Variants in COL11A1 observed in about 807,000 individuals in gnomAD.
COL11A1 encodes the protein collagen alpha-1(XI) chain.
A neutral mutation model predicts 265.2 loss-of-function variants in COL11A1; 74 were observed. That is an observed-to-expected ratio of 0.28 (90% confidence interval 0.23 to 0.34). COL11A1 has a LOEUF of 0.34. COL11A1 is among the 10% of genes least tolerant of loss of function. The pLI is 1.00. For synonymous variants in COL11A1, 816 were observed against 727.6 expected, an observed-to-expected ratio of 1.12 and a Z score of -1.96; for missense variants, 2,165 against 2,263.6, an observed-to-expected ratio of 0.96 and a Z score of 0.88.
At chr1:103,039,147 T>A (rs1668614050) in intron 4 of COL11A1, among the ~76,000 whole-genome samples, 2 of 152,214 alleles carry the variant, frequency 1.3e-5, no homozygotes, top group African/African-American at 4.8e-5. Flanking sequence ...TTTTATTTAT[T>A]TTTGAACTGT....
chr1:102,894,640 A>C (rs925569529), intron 57 of COL11A1, among the ~76,000 whole-genome samples: 1 of 152,154 alleles, frequency 6.6e-6, no homozygotes, highest in Non-Finnish European at 1.5e-5. Flanking sequence ...AAATTTTAAA[A>C]ATCCTTTAAG....
chr1:102,959,372 A>T (rs985361684), intron 41 of COL11A1, among the ~76,000 whole-genome samples: 1 of 151,776 alleles, frequency 6.6e-6, no homozygotes, highest in Admixed American at 6.6e-5. Flanking sequence ...ACAGATACTA[A>T]TTAAACATCA....
chr1:102,952,987 T>C (rs1190973533), intron 41 of COL11A1, among the ~76,000 whole-genome samples: 1 of 152,204 alleles, frequency 6.6e-6, no homozygotes, highest in Non-Finnish European at 1.5e-5. Context: ...ATCTATTCTC[T>C]TGGGACACTT....
In COL11A1 at chr1:103,022,737, C is replaced by T. The variant is rs754190368; in HGVS notation, c.1245+5G>A. 1 of 1,613,560 alleles carries T rather than the reference C, an allele frequency of 6.2e-7. No individual in the cohort carries two copies. The highest frequency in any genetic ancestry group is 8.5e-7 in the Non-Finnish European group (1 of 1,179,932). The stretch of plus-strand genomic sequence containing the variant: ...ACAATGACACAGTGCATAGTATCAA[C>T]TTACGCTTGTTTCTGTAATATCAGT... On this transcript the variant is annotated splice_donor_5th_base_variant and intron_variant, in intron 8 of 66. Transcript: ENST00000370096.
At chr1:102,904,564 G>T (rs912087335) in intron 54 of COL11A1, among the ~76,000 whole-genome samples, 1 of 151,888 alleles carries the variant, frequency 6.6e-6, no homozygotes, top group African/African-American at 2.4e-5. Flanking sequence ...AGTGGGTGAA[G>T]GATATGAACA....
chr1:103,098,960 T>C (rs1465278331), intron 1 of COL11A1, among the ~76,000 whole-genome samples: 2 of 151,786 alleles, frequency 1.3e-5, no homozygotes, highest in African/African-American at 2.4e-5. Context: ...GATACTTCCA[T>C]AGACATTGAG....
intron 9 of COL11A1, among the ~76,000 whole-genome samples, chr1:103,021,142 C>T (rs1667026035): frequency 1.3e-5 from 2 of 150,244 alleles, no homozygotes; most frequent in African/African-American, 4.9e-5. Flanking sequence ...AAAACCGCTT[C>T]CAAGTAAGAA....
intron 58 of COL11A1, 74 bp from the exon 59 acceptor site, chr1:102,889,636 G>A: frequency 1.9e-6 from 2 of 1,072,092 alleles, no homozygotes; most frequent in Non-Finnish European, 2.8e-6. Context: ...TAAAATATTT[G>A]CACATTAAAT....
At chr1:102,992,299 T>C (rs1664217881) in intron 28 of COL11A1, among the ~76,000 whole-genome samples, 1 of 152,050 alleles carries the variant, frequency 6.6e-6, no homozygotes, top group South Asian at 2.1e-4. Context: ...GAAGAAAACA[T>C]AGTTTTAGAA....
chr1:103,076,680 G>T (rs1402774017), intron 3 of COL11A1, among the ~76,000 whole-genome samples: 5 of 152,044 alleles, frequency 3.3e-5, no homozygotes, highest in Non-Finnish European at 7.4e-5. Context: ...TTACTTTGAG[G>T]ATTCATTCAT....
chr1:103,031,286 A>T (rs771673859), intron 4 of COL11A1, 42 bp from the exon 5 acceptor site: 6 of 1,588,594 alleles, frequency 3.8e-6, no homozygotes, highest in Non-Finnish European at 5.1e-6. Flanking sequence ...ACACAGATTC[A>T]GTTAGCATAT....
intron 5 of COL11A1, among the ~76,000 whole-genome samples, chr1:103,027,388 A>G (rs1667604277): frequency 7.3e-6 from 1 of 136,688 alleles, no homozygotes; most frequent in African/African-American, 2.7e-5. Flanking sequence ...TCAACAAGTT[A>G]AAACTCTAAT....
At chr1:103,006,893 T>G (rs1166659629) in intron 15 of COL11A1, among the ~76,000 whole-genome samples, 1 of 152,134 alleles carries the variant, frequency 6.6e-6, no homozygotes, top group Non-Finnish European at 1.5e-5. Context: ...TAATTACACA[T>G]TTTATTCCCC....
intron 49 of COL11A1, among the ~76,000 whole-genome samples, chr1:102,916,382 A>G (rs1466085984): frequency 6.6e-6 from 1 of 152,100 alleles, no homozygotes; most frequent in Non-Finnish European, 1.5e-5. Context: ...ACAATTCAAA[A>G]TGCACAAAAA....
At chr1:102,969,823 A>C (rs1207761771) in intron 37 of COL11A1, among the ~76,000 whole-genome samples, 1 of 152,196 alleles carries the variant, frequency 6.6e-6, no homozygotes, top group Non-Finnish European at 1.5e-5. Flanking sequence ...TATTATGATC[A>C]TGGCTATTCG....
intron 57 of COL11A1, among the ~76,000 whole-genome samples, chr1:102,896,703 T>C (rs559120230): frequency 6.6e-6 from 1 of 152,318 alleles, no homozygotes; most frequent in African/African-American, 2.4e-5. Context: ...AAAGTTTGTA[T>C]GCCAAATCAG....
At chr1:102,887,520 G>A (rs905803341) in intron 62 of COL11A1, among the ~76,000 whole-genome samples, 2 of 152,052 alleles carry the variant, frequency 1.3e-5, no homozygotes, top group Non-Finnish European at 2.9e-5. Flanking sequence ...GTACACATTA[G>A]TTTGCTTCAA....
At chr1:102,982,042 T>C (rs769727949) in intron 31 of COL11A1, among the ~76,000 whole-genome samples, 1 of 151,922 alleles carries the variant, frequency 6.6e-6, no homozygotes, top group Admixed American at 6.6e-5. Context: ...ATTTTGGATG[T>C]CCCAGTTTTT....
chr1:102,962,331 G>A (rs1660998626), intron 39 of COL11A1, 66 bp from the exon 40 acceptor site: 1 of 1,203,124 alleles, frequency 8.3e-7, no homozygotes. Context: ...AAACAAAATT[G>A]TGATTACCTC....
Sources: gnomAD v4.1 joint callset for allele counts (sites outside exome capture counted in the v4.1 genomes callset) on GRCh38, gnomAD v4.1.1 for gene constraint, MANE v1.5 for transcripts, NCBI Gene and HGNC (gene_info 2026-07-23, HGNC 2026-07-21) for gene names.